ZNF316: variants seen among roughly 807,000 people sequenced by gnomAD.
ZNF316 encodes zinc finger protein 316.
Under a neutral mutation model 75.6 loss-of-function variants are expected in ZNF316, and 23 were observed. The ratio of observed to expected loss-of-function variants is 0.30; its 90% CI spans 0.22 to 0.43. ZNF316 has a LOEUF of 0.43. Ranked by LOEUF, ZNF316 falls within the 20% of genes least tolerant of loss-of-function variation. The probability of loss-of-function intolerance (pLI) is 1.00; values close to 1 mark genes in which losing one functional copy is unlikely to be tolerated. For synonymous variants in ZNF316, 827 were observed against 666.2 expected, an observed-to-expected ratio of 1.24 and a Z score of -3.72; for missense variants, 1,266 against 1,409.4, an observed-to-expected ratio of 0.90 and a Z score of 1.63.
chr7:6,647,252 C>T (rs910275110), intron 8 of ZNF316, among the ~76,000 whole-genome samples: 2 of 152,180 alleles, frequency 1.3e-5, no homozygotes, highest in African/African-American at 2.4e-5. Flanking sequence ...CTCAGAGAGG[C>T]CCCTCCTTAC....
Position 6,654,623 on chromosome 7 carries a change from C to A in ZNF316, c.*12C>A, listed in dbSNP as rs1779584409. ...AGGGCGTCCTGTGAGGGGCCCGGGG[C>A]CGACAGCAGCGCAGCCTGCAGGGCC... is the stretch of plus-strand genomic sequence containing the variant. On this transcript the variant is annotated 3_prime_UTR_variant, in exon 9 of 9. Transcript: ENST00000382252. 10 of 1,184,134 alleles carry A rather than the reference C, an allele frequency of 8.4e-6. No individual in the cohort carries two copies. The highest frequency in any genetic ancestry group is 9.4e-6 in the Non-Finnish European group (9 of 957,252). 73.4% of individuals were successfully genotyped at this position (1,184,134 alleles called of 1,614,324 possible).
chr7:6,646,485 C>T (rs572865063), intron 8 of ZNF316, among the ~76,000 whole-genome samples: 19 of 152,298 alleles, frequency 1.2e-4, no homozygotes, highest in Admixed American at 1.0e-3. Flanking sequence ...CCTTTCAGCC[C>T]GGGCAACAGT....
rs1024690447 is a variant in ZNF316 at position 6,655,211 on chromosome 7, C to G, written c.*600C>G. 1 of 152,236 alleles carries G rather than the reference C, an allele frequency of 6.6e-6. No homozygotes were observed. The highest frequency in any genetic ancestry group is 1.9e-4 in the East Asian group (1 of 5,184). 9.4% of individuals were successfully genotyped at this position (152,236 alleles called of 1,614,324 possible). On this transcript the variant is annotated 3_prime_UTR_variant, in exon 9 of 9. Transcript: ENST00000382252. ...GGGAAAACTTGAAACTTGTCGTCTG[C>G]GGATATTTATTTCCACTTCTTGTAT...
chr7:6,647,120 G>A (rs981066346), intron 8 of ZNF316, among the ~76,000 whole-genome samples: 4 of 152,196 alleles, frequency 2.6e-5, no homozygotes, highest in Non-Finnish European at 5.9e-5. Flanking sequence ...GCATTGGCCT[G>A]GCGGGCCAGC....
Position 6,654,600 on chromosome 7 carries a change from G to A in ZNF316, c.3004G>A (p.Gly1002Ser), listed in dbSNP as rs1038155188. ...FAGPSGAYRE[G>S]VL The stretch of plus-strand genomic sequence containing the variant: ...CGGGCCCTCGGGCGCCTACCGGGAG[G>A]GCGTCCTGTGAGGGGCCCGGGGCCG... The change falls in exon 9 of 9, where the codon GGC becomes AGC. Residue 1002 changes from glycine to serine, a missense_variant. By Grantham distance (56) the Gly-to-Ser change is moderately conservative. Around this residue, in one of 3 missense-constraint regions of ZNF316, gnomAD observed 111 missense variants for 99.2 expected, o/e 1.12. Transcript: ENST00000382252. 1.7e-6 allele frequency: 2 copies of A among 1,185,970 alleles called. No homozygotes were observed. The highest frequency in any genetic ancestry group is 1.6e-5 in the African/African-American group (1 of 62,262). The allele number at this position is 1,185,970 out of a possible 1,614,324, so 73.5% of individuals were successfully genotyped here.
intron 8 of ZNF316, among the ~76,000 whole-genome samples, chr7:6,645,664 A>G (rs578126983): frequency 6.7e-6 from 1 of 150,148 alleles, no homozygotes; most frequent in African/African-American, 2.5e-5. Context: ...GGCCTGGGTG[A>G]CAAAGTGGGC....
chr7:6,643,438 C>T (rs1295005969), intron 6 of ZNF316, among the ~76,000 whole-genome samples: 2 of 152,244 alleles, frequency 1.3e-5, no homozygotes, highest in African/African-American at 2.4e-5. Flanking sequence ...AGGTCAGGCA[C>T]CAGTGCCCAC....
chr7:6,642,880 T>C lies in ZNF316; in HGVS notation c.356-84T>C. 8.1e-7 allele frequency: 1 copy of C among 1,232,216 alleles called. No homozygotes were observed. The highest frequency in any genetic ancestry group is 1.0e-6 in the Non-Finnish European group (1 of 988,130). 76.3% of individuals were successfully genotyped at this position (1,232,216 alleles called of 1,614,324 possible). A position where few individuals can be genotyped will look rare whatever the true frequency, so the allele number is the denominator to read the frequency against. Reference sequence around the variant, plus strand: ...CGACAGGGTGGAGCTGAAACCCAGCTTTGCAATGAGGGTGTTGCCAGGGCT... The same window carrying C: ...CGACAGGGTGGAGCTGAAACCCAGCCTTGCAATGAGGGTGTTGCCAGGGCT... On this transcript the variant is annotated intron_variant, in intron 5 of 8. Coordinates refer to ENST00000382252, the MANE Select transcript of ZNF316 (RefSeq NM_001278559.2). The surrounding 1 kb of genome is among the most constrained non-coding windows in gnomAD (Gnocchi z 8.1).
rs1779652374 is a variant in ZNF316 at position 6,657,735 on chromosome 7, T to G, written c.*3124T>G. Among the ~76,000 whole-genome samples, 1 of 147,814 alleles carries G rather than the reference T, an allele frequency of 6.8e-6. No homozygotes were observed. Among genetic ancestry groups the G allele is most frequent in the Non-Finnish European group, 1.5e-5 (1 of 67,642 alleles). ...GGTGGCGCACGTCTATAGTCCCAGC[T>G]ACTCTGGAGGCTGAGCCTGGGAGGC... On this transcript the variant is annotated 3_prime_UTR_variant, in exon 9 of 9. Coordinates refer to ENST00000382252, the MANE Select transcript of ZNF316 (RefSeq NM_001278559.2).
rs568471883 is a variant in ZNF316 at position 6,654,279 on chromosome 7, C to T, written c.2683C>T (p.Arg895Cys). 1.6e-6 allele frequency: 2 copies of T among 1,224,064 alleles called. No individual in the cohort carries two copies. Among genetic ancestry groups the T allele is most frequent in the South Asian group, 3.9e-5 (1 of 25,406 alleles). The allele number at this position is 1,224,064 out of a possible 1,614,324, so 75.8% of individuals were successfully genotyped here. A position where few individuals can be genotyped will look rare whatever the true frequency, so the allele number is the denominator to read the frequency against. Residue 895 changes from arginine to cysteine, a missense_variant, in exon 9 of 9, where the codon CGC (arginine) becomes TGC (cysteine). Around this residue, in one of 3 missense-constraint regions of ZNF316, gnomAD observed 194 missense variants for 319.2 expected, o/e 0.61. Transcript: ENST00000382252. ...CTTCCCGTGCCCTGAGTGCGGCAAG[C>T]GCTTTTCGCAGCGCTCGGTGCTGGT... is the stretch of plus-strand genomic sequence containing the variant. ...RPFPCPECGKRFSQRSVLVTH... is the reference protein window; with the variant it reads ...RPFPCPECGKCFSQRSVLVTH...
rs1040486352 is a variant in ZNF316 at position 6,653,423 on chromosome 7, C to T, written c.1827C>T (p.His609=). 16 of 1,228,134 alleles carry T rather than the reference C, an allele frequency of 1.3e-5. No homozygotes were observed. In the African/African-American group the frequency reaches 2.2e-4, roughly 17 times the overall value. The allele number at this position is 1,228,134 out of a possible 1,614,324, so 76.1% of individuals were successfully genotyped here. The change falls in exon 9 of 9, where the codon CAC becomes CAT. Residue 609 remains histidine, a synonymous_variant. Coordinates refer to ENST00000382252, the MANE Select transcript of ZNF316 (RefSeq NM_001278559.2). ...HFPVHPKSWL[H]PDSFPILGLP... Reference sequence around the variant, plus strand: ...CCGTGCACCCCAAGTCCTGGCTGCACCCGGACAGCTTCCCGATCCTGGGCC... The same window carrying T: ...CCGTGCACCCCAAGTCCTGGCTGCATCCGGACAGCTTCCCGATCCTGGGCC...
In ZNF316 at chr7:6,658,146, A is replaced by G. The variant is rs1779657987; in HGVS notation, c.*3535A>G. Among the ~76,000 whole-genome samples the G allele has an allele frequency of 6.6e-6, 1 of 151,852 alleles. No individual in the cohort carries two copies. The highest frequency in any genetic ancestry group is 2.4e-5 in the African/African-American group (1 of 41,332). ...CTTCCTTTTCTGATTCATTCCTTTT[A>G]TCCTGATCTTTTCACTTAATCTCGT... On this transcript the variant is annotated 3_prime_UTR_variant, in exon 9 of 9. Coordinates refer to ENST00000382252, the MANE Select transcript of ZNF316 (RefSeq NM_001278559.2).
rs577747352 is a variant in ZNF316 at position 6,645,975 on chromosome 7, CAGAGTG to C, written c.706+1386_706+1391del. Among the ~76,000 whole-genome samples, 111 of 125,152 alleles carry C rather than the reference CAGAGTG, an allele frequency of 8.9e-4. 2 individuals carry two copies. The highest frequency in any genetic ancestry group is 2.5e-3 in the African/African-American group (79 of 31,708). The allele number at this position is 125,152 out of a possible 152,430, so 82.1% of individuals were successfully genotyped here. A position where few individuals can be genotyped will look rare whatever the true frequency, so the allele number is the denominator to read the frequency against. On this transcript the variant is annotated intron_variant, in intron 8 of 8. Transcript: ENST00000382252. Reference sequence around the variant, plus strand: ...CGCCACTGCATTGCAGCCTGGGTGACAGAGTGAGACGCCATCTCAAAAAAAAAAAAA... The same window carrying C: ...CGCCACTGCATTGCAGCCTGGGTGACAGACGCCATCTCAAAAAAAAAAAAA...
chr7:6,653,892 G>A lies in ZNF316; in HGVS notation c.2296G>A (p.Val766Met). Reference protein sequence around the residue: ...FARGSHLAAHVRGHTGEKPFV... With the variant: ...FARGSHLAAHMRGHTGEKPFV... ...CCGCGGCTCGCACTTGGCGGCGCAC[G>A]TGCGCGGCCACACGGGCGAGAAGCC... is the stretch of plus-strand genomic sequence containing the variant. Residue 766 changes from valine (V) to methionine (M), a missense_variant, in exon 9 of 9, where the codon GTG becomes ATG. Val to Met is a conservative substitution (Grantham distance 21). Around this residue, in one of 3 missense-constraint regions of ZNF316, gnomAD observed 194 missense variants for 319.2 expected, o/e 0.61. Transcript: ENST00000382252. The A allele has an allele frequency of 9.0e-7, 1 of 1,108,656 alleles. No individual in the cohort carries two copies. The highest frequency in any genetic ancestry group is 1.1e-6 in the Non-Finnish European group (1 of 909,546). The allele number at this position is 1,108,656 out of a possible 1,614,324, so 68.7% of individuals were successfully genotyped here.
rs1390057681 is a variant in ZNF316, at chr7:6,654,567, G to A, written c.2971G>A (p.Ala991Thr). 4.2e-6 allele frequency: 5 copies of A among 1,187,568 alleles called. No individual in the cohort carries two copies. The highest frequency in any genetic ancestry group is 3.2e-5 in the African/African-American group (2 of 62,324). The allele number at this position is 1,187,568 out of a possible 1,614,324, so 73.6% of individuals were successfully genotyped here. The part of the protein sequence containing the change: ...GTSFGSEHQA[A>T]FAGPSGAYRE... ...AAGCTTCGGCTCCGAGCACCAGGCC[G>A]CGTTCGCCGGGCCCTCGGGCGCCTA... is the stretch of plus-strand genomic sequence containing the variant. The change falls in exon 9 of 9, where the codon GCG becomes ACG. Residue 991 changes from alanine to threonine, a missense_variant. Physicochemically the swap from Ala to Thr is moderately conservative, Grantham distance 58. Coordinates refer to ENST00000382252, the MANE Select transcript of ZNF316 (RefSeq NM_001278559.2).
chr7:6,649,061 G>T (rs1001836858), intron 8 of ZNF316, among the ~76,000 whole-genome samples: 1 of 152,038 alleles, frequency 6.6e-6, no homozygotes, highest in African/African-American at 2.4e-5. Flanking sequence ...CCGCTGGATG[G>T]GGGGGGTCTT....
chr7:6,643,938 C>T lies in ZNF316; in HGVS notation c.582C>T (p.Leu194=), dbSNP rs375564040. 1.1e-4 allele frequency: 141 copies of T among 1,232,862 alleles called. 2 individuals are homozygous for T. The South Asian group carries it at 4.8e-3, about 42-fold the overall frequency. The allele number at this position is 1,232,862 out of a possible 1,614,324, so 76.4% of individuals were successfully genotyped here. A position where few individuals can be genotyped will look rare whatever the true frequency, so the allele number is the denominator to read the frequency against. ...QEVMQENYGI[L]VSLGYPIPKP... ...TCATGCAGGAGAACTATGGGATTCT[C>T]GTGTCCTTGGGTAAGGACGGGACCT... The change falls in exon 7 of 9, where the codon CTC becomes CTT. Residue 194 remains leucine (L), a synonymous_variant. Transcript: ENST00000382252.
chr7:6,653,250 G>A lies in ZNF316; in HGVS notation c.1654G>A (p.Ala552Thr), dbSNP rs1436079323. 1.5e-5 allele frequency: 19 copies of A among 1,226,592 alleles called. No homozygotes were observed. The highest frequency in any genetic ancestry group is 6.2e-5 in the African/African-American group (4 of 64,074). 76.0% of individuals were successfully genotyped at this position (1,226,592 alleles called of 1,614,324 possible). A position where few individuals can be genotyped will look rare whatever the true frequency, so the allele number is the denominator to read the frequency against. The change falls in exon 9 of 9, where the codon GCG (alanine) becomes ACG (threonine). Residue 552 changes from alanine (A) to threonine (T), a missense_variant. Coordinates refer to ENST00000382252, the MANE Select transcript of ZNF316 (RefSeq NM_001278559.2). ...VGEADGEAEAAAEEREEAAVA... is the reference protein window; with the variant it reads ...VGEADGEAEATAEEREEAAVA... ...CGAGGCGGACGGAGAGGCGGAGGCC[G>A]CGGCCGAGGAGAGAGAGGAGGCGGC...
chr7:6,642,782 C>G lies in ZNF316; in HGVS notation c.355+18C>G, dbSNP rs1779333715. ...GGAAAAGGGTAAGAAAAGCAGCCAG[C>G]CTTGGGGAGGAGATGAAGGGGGCTG... On this transcript the variant is annotated intron_variant, in intron 5 of 8. Coordinates refer to ENST00000382252, the MANE Select transcript of ZNF316 (RefSeq NM_001278559.2). This position sits in a 1 kb window ranked among gnomAD's most constrained non-coding sequence, Gnocchi z 8.1. The G allele has an allele frequency of 3.2e-5, 39 of 1,233,224 alleles. 1 individual carries two copies. The South Asian group carries it at 7.0e-4, about 22-fold the overall frequency. The allele number at this position is 1,233,224 out of a possible 1,614,324, so 76.4% of individuals were successfully genotyped here.
Sources: gnomAD v4.1 joint callset for allele counts (sites outside exome capture counted in the v4.1 genomes callset) on GRCh38, gnomAD v4.1.1 for gene constraint, gnomAD v4.1.1 regional missense constraint, Gnocchi (gnomAD v3.1) non-coding constraint, MANE v1.5 for transcripts, NCBI Gene and HGNC (gene_info 2026-07-23, HGNC 2026-07-21) for gene names.